PDE1C: variants seen among roughly 807,000 people sequenced by gnomAD.
PDE1C encodes phosphodiesterase 1C.
A neutral mutation model predicts 93.1 loss-of-function variants in PDE1C; 62 were observed. The observed-to-expected ratio is 0.67, with a 90% confidence interval of 0.54 to 0.82. The LOEUF is 0.82. Ranked by LOEUF, PDE1C falls within the 40% of genes least tolerant of loss-of-function variation. The pLI is 0.00. For synonymous variants in PDE1C, 325 were observed against 310.1 expected (o/e 1.05, Z -0.50); for missense variants, 742 against 884.6 (o/e 0.84, Z 2.04).
intron 1 of PDE1C, among the ~76,000 whole-genome samples, chr7:32,323,216 C>T (rs1396990255): frequency 1.1e-4 from 16 of 152,098 alleles, no homozygotes; most frequent in Admixed American, 1.0e-3. Flanking sequence ...AAAAAGTGCT[C>T]CAGAATAGAA....
At chr7:32,119,328 G>A (rs1388580033) in intron 3 of PDE1C, among the ~76,000 whole-genome samples, 1 of 152,150 alleles carries the variant, frequency 6.6e-6, no homozygotes, top group East Asian at 1.9e-4. Flanking sequence ...ACAACTCCAG[G>A]CTTGCCTCAC....
At chr7:31,852,010 A>T (rs575865738) in intron 7 of PDE1C, among the ~76,000 whole-genome samples, 1 of 152,314 alleles carries the variant, frequency 6.6e-6, no homozygotes, top group Admixed American at 6.5e-5. Context: ...GAACTCATAA[A>T]AGCCCTGTGG....
chr7:31,831,492 ATGCACG>A (rs1447479718), intron 11 of PDE1C, among the ~76,000 whole-genome samples: 1 of 74,654 alleles, frequency 1.3e-5, no homozygotes, highest in South Asian at 5.2e-4. Flanking sequence ...ACACACACAC[ATGCACG>A]CACACACACA....
intron 2 of PDE1C, among the ~76,000 whole-genome samples, chr7:32,203,893 C>CT (rs1562574724): frequency 1.3e-5 from 2 of 152,182 alleles, no homozygotes; most frequent in Non-Finnish European, 2.9e-5. Flanking sequence ...AATTCGCTCT[C>CT]CCTGTGGATC....
chr7:32,300,033 G>A (rs1812843459), upstream of PDE1C, among the ~76,000 whole-genome samples: 1 of 152,114 alleles, frequency 6.6e-6, no homozygotes, highest in Admixed American at 6.5e-5. Context: ...ATTGATTCCA[G>A]TTCAGTTTAG....
the PDE1C span, among the ~76,000 whole-genome samples, chr7:31,651,447 T>C: frequency 6.6e-6 from 1 of 152,190 alleles, no homozygotes; most frequent in African/African-American, 2.4e-5. Flanking sequence ...GAGAGCCATT[T>C]GCTAGATAGC....
intron 2 of PDE1C, among the ~76,000 whole-genome samples, chr7:32,040,464 G>A (rs777521216): frequency 1.6e-4 from 25 of 152,092 alleles, no homozygotes; most frequent in Non-Finnish European, 2.8e-4. Flanking sequence ...ACCAAAAACT[G>A]TCTGTAGACA....
upstream of PDE1C, among the ~76,000 whole-genome samples, chr7:32,074,876 C>T (rs982370354): frequency 4.6e-5 from 7 of 152,140 alleles, no homozygotes; most frequent in Admixed American, 1.3e-4. Context: ...GAATGTGACA[C>T]GGAACAGAAA....
In PDE1C at chr7:31,823,245, C is replaced by T. The variant is rs761808538; in HGVS notation, c.1410G>A (p.Leu470=). 4 of 1,600,902 alleles carry T rather than the reference C, an allele frequency of 2.5e-6. No individual in the cohort carries two copies. In the African/African-American group the frequency reaches 4.1e-5, roughly 16 times the overall value. Reference sequence around the variant, plus strand: ...TGGCATCTGACGAGCTGATGCTATTCAAACTGGAAAACAAAAAAATCATAC... The same window carrying T: ...TGGCATCTGACGAGCTGATGCTATTTAAACTGGAAAACAAAAAAATCATAC... ...TGGTGQRRSS[L]NSISSSDAKR... The change falls in exon 14 of 18, where the codon TTG becomes TTA. Residue 470 remains leucine (L), a synonymous_variant. Coordinates refer to ENST00000396191, the MANE Select transcript of PDE1C (RefSeq NM_001191057.4).
intron 2 of PDE1C, among the ~76,000 whole-genome samples, chr7:32,042,239 G>T (rs573251066): frequency 7.2e-5 from 11 of 152,312 alleles, no homozygotes; most frequent in African/African-American, 2.6e-4. Context: ...GGCAGAGGTT[G>T]CAGTGAGCTG....
chr7:31,908,873 T>C (rs937122558), intron 2 of PDE1C, among the ~76,000 whole-genome samples: 2 of 152,204 alleles, frequency 1.3e-5, no homozygotes, highest in Non-Finnish European at 2.9e-5. Context: ...CCATAATCAC[T>C]TGACTTTAAA....
the PDE1C span, chr7:31,642,863 C>T: frequency 1.9e-6 from 3 of 1,613,902 alleles, no homozygotes; most frequent in Non-Finnish European, 8.5e-7. Flanking sequence ...CAAAGGGCCT[C>T]AGTATCTGTG....
the PDE1C span, among the ~76,000 whole-genome samples, chr7:31,664,276 G>C: frequency 6.6e-6 from 1 of 152,300 alleles, no homozygotes; most frequent in African/African-American, 2.4e-5. Flanking sequence ...AGGTCAAGTT[G>C]AAAGATGTAC....
At chr7:32,308,475 C>T (rs1334171773) in intron 1 of PDE1C, among the ~76,000 whole-genome samples, 1 of 152,220 alleles carries the variant, frequency 6.6e-6, no homozygotes, top group African/African-American at 2.4e-5. Flanking sequence ...AACTGGGAGG[C>T]ACCCCCCAGT....
chr7:32,290,314 G>T (rs1033924872), intron 1 of PDE1C, among the ~76,000 whole-genome samples: 1 of 152,214 alleles, frequency 6.6e-6, no homozygotes, highest in Non-Finnish European at 1.5e-5. Flanking sequence ...GCTGGTGGAG[G>T]GTTGGCAGAG....
At position 31,850,656 on chromosome 7, in the gene PDE1C, A is replaced by C; in HGVS notation, c.836T>G (p.Phe279Cys). ...DYEHTGTTNN[F>C]HIQTRSDPAI... ...ACACCCTCACCGAGTCTGAATGTGG[A>C]AATTGTTGGTGGTTCCGGTATGCTC... The change falls in exon 8 of 18, where the codon TTC (phenylalanine) becomes TGC (cysteine). Residue 279 changes from phenylalanine to cysteine, a missense_variant. Transcript: ENST00000396191. The C allele has an allele frequency of 1.9e-6, 3 of 1,612,120 alleles. No homozygotes were observed. Among genetic ancestry groups the C allele is most frequent in the Non-Finnish European group, 2.5e-6 (3 of 1,178,328 alleles).
chr7:31,946,423 C>T (rs1041189063), intron 2 of PDE1C, among the ~76,000 whole-genome samples: 1 of 152,120 alleles, frequency 6.6e-6, no homozygotes, highest in South Asian at 2.1e-4. Context: ...GGGCTCAGGG[C>T]ATAAAACCCC....
chr7:32,416,248 T>C (rs548691886), intron 1 of PDE1C, among the ~76,000 whole-genome samples: 15 of 152,332 alleles, frequency 9.8e-5, no homozygotes, highest in Admixed American at 2.0e-4. Context: ...CCCTTTCTGA[T>C]TCCCCCTGGA....
At chr7:31,948,171 C>G (rs1348871069) in intron 2 of PDE1C, among the ~76,000 whole-genome samples, 1 of 152,144 alleles carries the variant, frequency 6.6e-6, no homozygotes, top group Non-Finnish European at 1.5e-5. Context: ...GACATCTTTT[C>G]AAACACTCAC....
Sources: gnomAD v4.1 joint callset for allele counts (sites outside exome capture counted in the v4.1 genomes callset) on GRCh38, gnomAD v4.1.1 for gene constraint, MANE v1.5 for transcripts, NCBI Gene and HGNC (gene_info 2026-07-23, HGNC 2026-07-21) for gene names.